Variants in SYT1 observed in about 807,000 individuals in gnomAD.
SYT1 encodes synaptotagmin-1.
Under a neutral mutation model 44.8 loss-of-function variants are expected in SYT1, and 8 were observed. The observed-to-expected ratio is 0.18, with a 90% CI of 0.10 to 0.32. The LOEUF is 0.32. Ranked by LOEUF, SYT1 falls within the 10% of genes least tolerant of loss-of-function variation. The pLI is 1.00. For missense variants in SYT1, 286 were observed against 509.3 expected (o/e 0.56, Z 4.22); for synonymous variants, 154 against 188.8 (o/e 0.82, Z 1.51).
At chr12:79,292,231 G>A in intron 6 of SYT1, 101 bp downstream of exon 6, 2 of 1,377,970 alleles carry the variant, frequency 1.5e-6, no homozygotes, top group East Asian at 2.4e-5. Context: ...TTTGCTGTGA[G>A]GGGAAAATGC....
intron 3 of SYT1, among the ~76,000 whole-genome samples, chr12:79,115,094 T>A (rs1302694740): frequency 6.6e-6 from 1 of 152,160 alleles, no homozygotes; most frequent in Non-Finnish European, 1.5e-5. Flanking sequence ...TAGTAAATTA[T>A]CTCCAATTAC....
chr12:79,181,812 A>T (rs1046320325), intron 3 of SYT1, among the ~76,000 whole-genome samples: 2 of 152,084 alleles, frequency 1.3e-5, no homozygotes, highest in Non-Finnish European at 2.9e-5. Context: ...GTTCACATGA[A>T]GACCAACAAC....
At chr12:79,125,588 C>G (rs1027289398) in intron 3 of SYT1, among the ~76,000 whole-genome samples, 1 of 150,248 alleles carries the variant, frequency 6.7e-6, no homozygotes, top group African/African-American at 2.5e-5. Context: ...CCACTGCACC[C>G]CAGCCTGGGC....
intron 6 of SYT1, among the ~76,000 whole-genome samples, chr12:79,294,451 C>A (rs1879782510): frequency 6.6e-6 from 1 of 151,922 alleles, no homozygotes; most frequent in African/African-American, 2.4e-5. Context: ...ATATGTTTAC[C>A]AAAACTAAAA....
At chr12:79,242,721 G>A (rs1470655452) in intron 4 of SYT1, among the ~76,000 whole-genome samples, 1 of 152,166 alleles carries the variant, frequency 6.6e-6, no homozygotes, top group African/African-American at 2.4e-5. Context: ...GAACCAACCA[G>A]GTTGTCTGCT....
intron 4 of SYT1, among the ~76,000 whole-genome samples, chr12:79,284,743 G>A (rs1879222049): frequency 6.6e-6 from 1 of 151,770 alleles, no homozygotes; most frequent in African/African-American, 2.4e-5. Flanking sequence ...GGACGCTGAG[G>A]CAGGGGAATT....
intron 3 of SYT1, among the ~76,000 whole-genome samples, chr12:79,115,354 T>A (rs1157394542): frequency 6.6e-6 from 1 of 152,212 alleles, no homozygotes; most frequent in East Asian, 1.9e-4. Flanking sequence ...GAAATATTTT[T>A]CCTATATGAT....
At chr12:79,068,111 T>C (rs1876003769) in intron 3 of SYT1, among the ~76,000 whole-genome samples, 1 of 152,172 alleles carries the variant, frequency 6.6e-6, no homozygotes, top group Non-Finnish European at 1.5e-5. Flanking sequence ...AAAAATGAAC[T>C]TTGAGTAGTT....
At chr12:79,178,952 A>G (rs368780916) in intron 3 of SYT1, among the ~76,000 whole-genome samples, 3 of 77,758 alleles carry the variant, frequency 3.9e-5, no homozygotes, top group Non-Finnish European at 6.9e-5. Flanking sequence ...AGATATAGAT[A>G]TAGATATAGA....
At chr12:79,013,154 C>A (rs1232541466) in intron 2 of SYT1, among the ~76,000 whole-genome samples, 2 of 152,084 alleles carry the variant, frequency 1.3e-5, no homozygotes, top group Admixed American at 1.3e-4. Flanking sequence ...GTGCACTTCT[C>A]TGTTTGTTTT....
intron 3 of SYT1, among the ~76,000 whole-genome samples, chr12:79,055,865 T>A (rs1874895497): frequency 6.6e-6 from 1 of 152,026 alleles, no homozygotes. Flanking sequence ...TCTTTTAAAT[T>A]ATAAAACATA....
In SYT1 at chr12:79,451,409, A is replaced by C. The variant is rs1190502438; in HGVS notation, c.*2285A>C. On this transcript the variant is annotated 3_prime_UTR_variant, in exon 11 of 11. Coordinates refer to ENST00000261205, the MANE Select transcript of SYT1 (RefSeq NM_005639.3). Reference sequence around the variant, plus strand: ...GAGAGGGAGTTGACTGGCTTTTAAAAAGTATTTAAATACCACAAATGACAT... The same window carrying C: ...GAGAGGGAGTTGACTGGCTTTTAAACAGTATTTAAATACCACAAATGACAT... 6.6e-6 allele frequency: 1 copy of C among 152,248 alleles called. No individual in the cohort carries two copies. Among genetic ancestry groups the C allele is most frequent in the East Asian group, 1.9e-4 (1 of 5,202 alleles). The allele number at this position is 152,248 out of a possible 1,614,324, so 9.4% of individuals were successfully genotyped here.
chr12:79,364,390 C>T (rs954271481), intron 9 of SYT1, among the ~76,000 whole-genome samples: 1 of 152,118 alleles, frequency 6.6e-6, no homozygotes, highest in East Asian at 1.9e-4. Context: ...ATCCCTTGGT[C>T]ACCTTTTGCC....
At chr12:79,434,897 G>A (rs1869999264) in intron 9 of SYT1, among the ~76,000 whole-genome samples, 1 of 151,932 alleles carries the variant, frequency 6.6e-6, no homozygotes, top group Non-Finnish European at 1.5e-5. Context: ...TCCTACTCTA[G>A]CCTTGTGCTT....
intron 8 of SYT1, among the ~76,000 whole-genome samples, chr12:79,307,667 A>C (rs1439711855): frequency 1.3e-5 from 2 of 152,134 alleles, no homozygotes; most frequent in Non-Finnish European, 2.9e-5. Flanking sequence ...AGCCCGAACG[A>C]AGCCTTTGCG....
intron 1 of SYT1, among the ~76,000 whole-genome samples, chr12:78,880,722 A>C (rs1440414862): frequency 6.6e-6 from 1 of 151,494 alleles, no homozygotes; most frequent in African/African-American, 2.4e-5. Flanking sequence ...TTTAAAGTGC[A>C]TGTAGGAAAT....
At chr12:79,002,738 A>G (rs1870823766) in intron 2 of SYT1, among the ~76,000 whole-genome samples, 1 of 152,000 alleles carries the variant, frequency 6.6e-6, no homozygotes, top group Non-Finnish European at 1.5e-5. Context: ...GAGTCACTCC[A>G]TTGGGATCCT....
At chr12:79,373,856 A>G (rs941700474) in intron 9 of SYT1, among the ~76,000 whole-genome samples, 2 of 152,306 alleles carry the variant, frequency 1.3e-5, no homozygotes, top group African/African-American at 4.8e-5. Flanking sequence ...CAGCTGGGTC[A>G]TATTCTCATT....
intron 5 of SYT1, chr12:79,291,739 T>G (rs1234057441): frequency 1.9e-6 from 1 of 539,022 alleles, no homozygotes; most frequent in African/African-American, 1.9e-5. Context: ...GACACTTTCT[T>G]TGCAACAATG....
Sources: gnomAD v4.1 joint callset for allele counts (sites outside exome capture counted in the v4.1 genomes callset) on GRCh38, gnomAD v4.1.1 for gene constraint, MANE v1.5 for transcripts, NCBI Gene and HGNC (gene_info 2026-07-23, HGNC 2026-07-21) for gene names.